Variants in FAM117A observed in about 807,000 individuals in gnomAD.
FAM117A encodes family with sequence similarity 117 member A.
Under a neutral mutation model 44.1 loss-of-function variants are expected in FAM117A, and 21 were observed. The observed-to-expected ratio is 0.48, with a 90% confidence interval of 0.34 to 0.69. The LOEUF (loss-of-function observed/expected upper bound fraction) is 0.69. Ranked by LOEUF, FAM117A falls within the 30% of genes least tolerant of loss-of-function variation. The pLI is 0.01. For missense variants in FAM117A, 498 were observed against 589.9 expected, an observed-to-expected ratio of 0.84 and a Z score of 1.61; for synonymous variants, 220 against 238.3, an observed-to-expected ratio of 0.92 and a Z score of 0.71.
intron 1 of FAM117A, among the ~76,000 whole-genome samples, chr17:49,758,645 AT>A (rs1272472178): frequency 9.9e-5 from 14 of 140,806 alleles, no homozygotes; most frequent in East Asian, 9.3e-4. Flanking sequence ...AATAAAATAA[AT>A]AAATAAATAA....
At chr17:49,716,131 C>CCCCA in intron 7 of FAM117A, 34 bp downstream of exon 7, 1 of 1,437,402 alleles carries the variant, frequency 7.0e-7, no homozygotes, top group Non-Finnish European at 9.6e-7. Flanking sequence ...GGCCCACCCT[C>CCCCA]CCCTCCCACA....
intron 1 of FAM117A, among the ~76,000 whole-genome samples, chr17:49,770,127 A>C (rs1248346853): frequency 6.6e-6 from 1 of 151,818 alleles, no homozygotes; most frequent in Admixed American, 6.6e-5. Context: ...AAAATTAGCC[A>C]GGTGTGGTGG....
chr17:49,761,013 G>A (rs1356585800), intron 1 of FAM117A, among the ~76,000 whole-genome samples: 1 of 152,190 alleles, frequency 6.6e-6, no homozygotes, highest in East Asian at 1.9e-4. Flanking sequence ...CATACCTTAT[G>A]ATGAATGGTT....
intron 1 of FAM117A, among the ~76,000 whole-genome samples, chr17:49,776,602 C>T (rs1339319739): frequency 2.0e-5 from 3 of 152,182 alleles, no homozygotes; most frequent in African/African-American, 4.8e-5. Flanking sequence ...CTCCAGTGGA[C>T]TAGCCTAGGA....
At chr17:49,730,906 C>T (rs2073581935) in intron 2 of FAM117A, among the ~76,000 whole-genome samples, 1 of 152,084 alleles carries the variant, frequency 6.6e-6, no homozygotes, top group Non-Finnish European at 1.5e-5. Flanking sequence ...ATGAGAATTC[C>T]CCTTCTTTAA....
intron 1 of FAM117A, among the ~76,000 whole-genome samples, chr17:49,772,920 C>G (rs2073765418): frequency 6.6e-6 from 1 of 152,112 alleles, no homozygotes; most frequent in Non-Finnish European, 1.5e-5. Flanking sequence ...GCCTGTCATC[C>G]CAGCACTTTG....
At chr17:49,776,834 G>A (rs890759187) in intron 1 of FAM117A, among the ~76,000 whole-genome samples, 2 of 152,174 alleles carry the variant, frequency 1.3e-5, no homozygotes, top group African/African-American at 4.8e-5. Flanking sequence ...CAAAAGGGAA[G>A]CTGCAAGAGG....
At position 49,732,438 on chromosome 17, in the gene FAM117A, G is replaced by A. The variant is rs181842051; in HGVS notation, c.366+113C>T. On this transcript the variant is annotated intron_variant, in intron 2 of 7. Coordinates refer to ENST00000240364, the MANE Select transcript of FAM117A (RefSeq NM_030802.4). ...AAAACATTACATGGATAATATGTAC[G>A]ACCAAAACCCAAGACAAATCATCGC... is the stretch of plus-strand genomic sequence containing the variant. 532 of 1,014,876 alleles carry A rather than the reference G, an allele frequency of 5.2e-4. 1 individual carries two copies. Among genetic ancestry groups the A allele is most frequent in the East Asian group, 8.3e-4 (33 of 39,530 alleles). The allele number at this position is 1,014,876 out of a possible 1,614,324, so 62.9% of individuals were successfully genotyped here.
chr17:49,722,417 C>T, intron 3 of FAM117A, 82 bp downstream of exon 3: 1 of 1,153,052 alleles, frequency 8.7e-7, no homozygotes, highest in Non-Finnish European at 1.3e-6. Context: ...TGTGACGCCA[C>T]CATGGAGCAG....
At chr17:49,724,825 A>G (rs2073552308) in intron 2 of FAM117A, among the ~76,000 whole-genome samples, 1 of 150,722 alleles carries the variant, frequency 6.6e-6, no homozygotes, top group Non-Finnish European at 1.5e-5. Flanking sequence ...GTCTCAAGAA[A>G]AAAAAAAAAA....
chr17:49,779,593 C>G (rs1263502114), intron 1 of FAM117A, among the ~76,000 whole-genome samples: 1 of 152,220 alleles, frequency 6.6e-6, no homozygotes, highest in African/African-American at 2.4e-5. Context: ...GTGTACCCCC[C>G]ATTTAAATGG....
chr17:49,720,877 G>T (rs2073531110), intron 3 of FAM117A, among the ~76,000 whole-genome samples: 1 of 152,008 alleles, frequency 6.6e-6, no homozygotes, highest in Non-Finnish European at 1.5e-5. Flanking sequence ...ATCACCCCCA[G>T]CTAATTTTTG....
chr17:49,771,583 C>T (rs138029559), intron 1 of FAM117A, among the ~76,000 whole-genome samples: 6 of 152,222 alleles, frequency 3.9e-5, no homozygotes, highest in Admixed American at 6.5e-5. Flanking sequence ...GCACTGTAAC[C>T]GGCATGCAGA....
At chr17:49,737,382 G>C (rs895051844) in intron 1 of FAM117A, among the ~76,000 whole-genome samples, 1 of 152,200 alleles carries the variant, frequency 6.6e-6, no homozygotes, top group African/African-American at 2.4e-5. Flanking sequence ...TGACGAGGCA[G>C]GGACTCTGGA....
chr17:49,789,103 C>A, upstream of FAM117A: 1 of 377,870 alleles, frequency 2.6e-6, no homozygotes, highest in South Asian at 8.8e-5. Context: ...GCTGAAACGT[C>A]TGGAAGCATA....
chr17:49,713,048 T>C lies in FAM117A; in HGVS notation c.1062-1493A>G, dbSNP rs150425911. Among the ~76,000 whole-genome samples, 73 of 152,054 alleles carry C rather than the reference T, an allele frequency of 4.8e-4. No individual in the cohort carries two copies. In the East Asian group the frequency reaches 0.013, roughly 28 times the overall value. ...CTGCCACCATTCTAGGCTAATTTTA[T>C]TATTATTATTATTTTTTTAGTAGAG... On this transcript the variant is annotated intron_variant, in intron 7 of 7. Transcript: ENST00000240364.
At chr17:49,770,099 GTC>G (rs1024627525) in intron 1 of FAM117A, among the ~76,000 whole-genome samples, 10 of 151,856 alleles carry the variant, frequency 6.6e-5, no homozygotes, top group African/African-American at 2.4e-4. Context: ...GTAAAACCCT[GTC>G]TCTACTAAAA....
intron 1 of FAM117A, among the ~76,000 whole-genome samples, chr17:49,740,403 CCG>C (rs1303269532): frequency 6.6e-6 from 1 of 152,114 alleles, no homozygotes; most frequent in Non-Finnish European, 1.5e-5. Flanking sequence ...GCGCCCACCA[CCG>C]CGCCCGGCTA....
chr17:49,764,027 C>T lies in FAM117A; in HGVS notation c.61G>A (p.Ala21Thr). The T allele has an allele frequency of 8.4e-7, 1 of 1,187,872 alleles. No homozygotes were observed. Among genetic ancestry groups the T allele is most frequent in the Non-Finnish European group, 1.1e-6 (1 of 951,614 alleles). The allele number at this position is 1,187,872 out of a possible 1,614,324, so 73.6% of individuals were successfully genotyped here. ...GGAWGPGRGGAGGLRRGCSPP... is the reference protein window; with the variant it reads ...GGAWGPGRGGTGGLRRGCSPP... Reference sequence around the variant, plus strand: ...GAGCAGCCCCGCCGGAGCCCCCCGGCCCCTCCGCGCCCCGGCCCCCAGGCA... The same window carrying T: ...GAGCAGCCCCGCCGGAGCCCCCCGGTCCCTCCGCGCCCCGGCCCCCAGGCA... The change falls in exon 1 of 8, where the codon GCC becomes ACC. Residue 21 changes from alanine (A) to threonine (T), a missense_variant. Physicochemically the swap from Ala to Thr is moderately conservative, Grantham distance 58. Around this residue, in one of 3 missense-constraint regions of FAM117A, gnomAD observed 270 missense variants for 277.4 expected, o/e 0.97. Coordinates refer to ENST00000240364, the MANE Select transcript of FAM117A (RefSeq NM_030802.4).
Sources: allele counts gnomAD v4.1 joint callset (sites outside exome capture counted in the v4.1 genomes callset), GRCh38; gene constraint gnomAD v4.1.1; regional missense constraint gnomAD v4.1.1; transcripts MANE v1.5; gene names NCBI Gene and HGNC (gene_info 2026-07-23, HGNC 2026-07-21).